NDUFAB1: variants seen among roughly 807,000 people sequenced by gnomAD.
NDUFAB1 encodes the protein acyl carrier protein, mitochondrial.
NDUFAB1 carries 5 observed loss-of-function variants against 16.1 expected under a neutral mutation model. The observed-to-expected ratio is 0.31, with a 90% CI of 0.16 to 0.65. The LOEUF (loss-of-function observed/expected upper bound fraction) is 0.65, where lower values mean the gene tolerates loss of function less well. Ranked by LOEUF, NDUFAB1 falls within the 30% of genes least tolerant of loss-of-function variation. The pLI is 0.77. For missense variants in NDUFAB1, 187 were observed against 205.3 expected, an observed-to-expected ratio of 0.91 and a Z score of 0.54; for synonymous variants, 85 against 78.4, an observed-to-expected ratio of 1.08 and a Z score of -0.44.
chr16:23,587,044 A>G (rs1255715238), intron 2 of NDUFAB1, among the ~76,000 whole-genome samples, 153 bp downstream of exon 2: 1 of 152,242 alleles, frequency 6.6e-6, no homozygotes, highest in Non-Finnish European at 1.5e-5. Flanking sequence ...TTGGAAACAT[A>G]CATGAAACTG....
At position 23,582,812 on chromosome 16, in the gene NDUFAB1, G is replaced by GTCTCCC. The variant is rs60095526; in HGVS notation, c.380-443_380-438dup. On this transcript the variant is annotated intron_variant, in intron 3 of 4. Transcript: ENST00000007516. ...CCCTCTCCCTCTCCCTCTTCCCACG[G>GTCTCCC]TCTCCCTCTCCCTCTCCCTCTCCCT... 1.2e-4 allele frequency among the ~76,000 whole-genome samples: 17 copies of GTCTCCC among 141,372 alleles called. 1 individual carries two copies. The highest frequency in any genetic ancestry group is 4.5e-4 in the South Asian group (2 of 4,402). The allele number at this position is 141,372 out of a possible 152,430, so 92.7% of individuals were successfully genotyped here. A position where few individuals can be genotyped will look rare whatever the true frequency, so the allele number is the denominator to read the frequency against.
intron 4 of NDUFAB1, chr16:23,581,774 A>AT (rs1299756167): frequency 6.6e-6 from 1 of 152,290 alleles, no homozygotes; most frequent in Non-Finnish European, 1.5e-5. Flanking sequence ...ACCATATTAC[A>AT]TATGAGGAAA....
intron 2 of NDUFAB1, among the ~76,000 whole-genome samples, chr16:23,586,089 A>G (rs1597053746): frequency 1.3e-5 from 2 of 150,804 alleles, no homozygotes; most frequent in African/African-American, 4.9e-5. Context: ...CACCACGCCC[A>G]GCTAATTTTT....
intron 3 of NDUFAB1, among the ~76,000 whole-genome samples, chr16:23,583,233 C>T (rs1476034277): frequency 2.0e-4 from 30 of 152,160 alleles, no homozygotes; most frequent in Non-Finnish European, 2.6e-4. Context: ...TCTGCCTGGC[C>T]GCCCATCGTC....
intron 2 of NDUFAB1, among the ~76,000 whole-genome samples, chr16:23,586,340 T>G (rs750413532): frequency 6.6e-6 from 1 of 152,082 alleles, no homozygotes; most frequent in East Asian, 1.9e-4. Flanking sequence ...AGATTCAATT[T>G]TTTTTCGTTG....
chr16:23,584,244 GAATGATC>G (rs368367435), intron 3 of NDUFAB1, among the ~76,000 whole-genome samples: 173 of 8,468 alleles, frequency 0.02, 6 homozygotes, highest in East Asian at 0.043. Context: ...AAACACCCAA[GAATGATC>G]AATTAAAAAA....
intron 1 of NDUFAB1, among the ~76,000 whole-genome samples, chr16:23,592,873 A>G (rs1016432367): frequency 2.0e-5 from 3 of 152,214 alleles, no homozygotes; most frequent in Admixed American, 1.3e-4. Context: ...AGGTAGCATG[A>G]GCAATGGTCC....
chr16:23,595,501 C>T, intron 1 of NDUFAB1: 4 of 449,014 alleles, frequency 8.9e-6, no homozygotes, highest in Non-Finnish European at 1.8e-5. Context: ...CGGCACATCC[C>T]GTAAATACTG....
chr16:23,586,801 AC>A (rs1424717199), intron 2 of NDUFAB1, among the ~76,000 whole-genome samples: 3 of 151,960 alleles, frequency 2.0e-5, no homozygotes, highest in African/African-American at 7.3e-5. Context: ...GGTATGTGCC[AC>A]CATGCCCGGC....
chr16:23,585,200 T>G, intron 3 of NDUFAB1, 136 bp downstream of exon 3: 1 of 646,090 alleles, frequency 1.5e-6, no homozygotes, highest in Non-Finnish European at 2.7e-6. Flanking sequence ...GGCAGGAAGG[T>G]GTGTGTGAAG....
At chr16:23,595,891 G>A (rs1219513776) in intron 1 of NDUFAB1, among the ~76,000 whole-genome samples, 1 of 152,250 alleles carries the variant, frequency 6.6e-6, no homozygotes, top group East Asian at 1.9e-4. Flanking sequence ...TCGGTAAGCG[G>A]CAGCCCAGCA....
Position 23,596,147 on chromosome 16 carries a change from C to T in NDUFAB1, c.144G>A (p.Leu48=), listed in dbSNP as rs1966323945. Residue 48 remains leucine, a synonymous_variant, in exon 1 of 5, where the codon TTG becomes TTA. Transcript: ENST00000007516. ...CCTGCGCGAGCACTAAGGCCGGCTG[C>T]AAAGTCCCGAGCCTCGTCTGGGTCC... The part of the protein sequence containing the change: ...SAGTQTRLGT[L]QPALVLAQVP... The T allele has an allele frequency of 1.9e-6, 3 of 1,609,250 alleles. No individual in the cohort carries two copies. Among genetic ancestry groups the T allele is most frequent in the Non-Finnish European group, 2.5e-6 (3 of 1,178,280 alleles).
Position 23,596,115 on chromosome 16 carries a change from C to A in NDUFAB1, c.168+8G>T. 6.2e-7 allele frequency: 1 copy of A among 1,604,590 alleles called. No individual in the cohort carries two copies. The highest frequency in any genetic ancestry group is 8.5e-7 in the Non-Finnish European group (1 of 1,176,234). The stretch of plus-strand genomic sequence containing the variant: ...TTGCCAAGCGGCAGCAAAGTCACCA[C>A]GAGTCACCTGCGCGAGCACTAAGGC... On this transcript the variant is annotated splice_region_variant and intron_variant, in intron 1 of 4. Transcript: ENST00000007516.
intron 1 of NDUFAB1, among the ~76,000 whole-genome samples, chr16:23,589,122 AC>A (rs1244397074): frequency 6.7e-6 from 1 of 150,278 alleles, no homozygotes; most frequent in Non-Finnish European, 1.5e-5. Context: ...ACATGGAGAA[AC>A]CCCGTCTCTA....
chr16:23,589,313 A>T (rs1966259146), intron 1 of NDUFAB1, among the ~76,000 whole-genome samples: 1 of 152,026 alleles, frequency 6.6e-6, no homozygotes, highest in Non-Finnish European at 1.5e-5. Context: ...AAAAAAAAAA[A>T]AATCAGGTTT....
chr16:23,583,510 G>A lies in NDUFAB1; in HGVS notation c.380-1135C>T, dbSNP rs576373567. On this transcript the variant is annotated intron_variant, in intron 3 of 4. Transcript: ENST00000007516. ...GGGAGCGCCTCTGCCCCACTGCCCC[G>A]TCTGGGATGTGAGGAGCGCCTCTGC... Among the ~76,000 whole-genome samples the A allele has an allele frequency of 2.0e-3, 302 of 148,134 alleles. 6 individuals are homozygous for A. The highest frequency in any genetic ancestry group is 1.3e-3 in the Non-Finnish European group (89 of 67,384).
In NDUFAB1 at chr16:23,596,141, C is replaced by T; in HGVS notation, c.150G>A (p.Pro50=). The change falls in exon 1 of 5, where the codon CCG becomes CCA. Residue 50 remains proline (P), a synonymous_variant. Coordinates refer to ENST00000007516, the MANE Select transcript of NDUFAB1 (RefSeq NM_005003.3). ...GAGTCACCTGCGCGAGCACTAAGGCCGGCTGCAAAGTCCCGAGCCTCGTCT... is the reference window on the plus strand; with the variant it reads ...GAGTCACCTGCGCGAGCACTAAGGCTGGCTGCAAAGTCCCGAGCCTCGTCT... ...GTQTRLGTLQ[P]ALVLAQVPGR... The T allele has an allele frequency of 6.2e-7, 1 of 1,608,522 alleles. No individual in the cohort carries two copies. The highest frequency in any genetic ancestry group is 1.1e-5 in the South Asian group (1 of 90,508).
chr16:23,583,840 T>C (rs1966206865), intron 3 of NDUFAB1, among the ~76,000 whole-genome samples: 1 of 152,250 alleles, frequency 6.6e-6, no homozygotes, highest in East Asian at 1.9e-4. Context: ...GGGGAAAAGA[T>C]AGAGAAATCA....
intron 4 of NDUFAB1, chr16:23,582,063 G>C (rs1358605513): frequency 7.3e-6 from 3 of 412,600 alleles, no homozygotes; most frequent in African/African-American, 6.2e-5. Context: ...ACAATCAAGG[G>C]AGTTCTATCC....
Sources: gnomAD v4.1 joint callset for allele counts (sites outside exome capture counted in the v4.1 genomes callset) on GRCh38, gnomAD v4.1.1 for gene constraint, MANE v1.5 for transcripts, NCBI Gene and HGNC (gene_info 2026-07-23, HGNC 2026-07-21) for gene names.